The following PRKN variants were observed in gnomAD, a reference collection of about 807,000 sequenced individuals.
PRKN encodes parkin RBR E3 ubiquitin protein ligase.
A neutral mutation model predicts 59.5 loss-of-function variants in PRKN; 56 were observed. The observed-to-expected ratio is 0.94, with a 90% CI of 0.76 to 1.18. The LOEUF is 1.18. PRKN is among the 50% of genes most tolerant of loss of function. The probability of loss-of-function intolerance (pLI) is 0.00; values close to 1 mark genes in which losing one functional copy is unlikely to be tolerated. For synonymous variants in PRKN, 250 were observed against 222.1 expected, an observed-to-expected ratio of 1.13 and a Z score of -1.12; for missense variants, 657 against 596.4, an observed-to-expected ratio of 1.10 and a Z score of -1.06.
rs113076313 is a variant in PRKN, at chr6:162,271,839, G to T, written c.172-9074C>A. ...TTTAAAAAAAGGGGGACTTCTAAAA[G>T]ATGAATATTTGTGATTTAGCCTTTC... On this transcript the variant is annotated intron_variant, in intron 2 of 11. Transcript: ENST00000366898. Among the ~76,000 whole-genome samples, 166 of 152,294 alleles carry T rather than the reference G, an allele frequency of 1.1e-3. 4 individuals carry two copies. Among genetic ancestry groups the T allele is most frequent in the African/African-American group, 3.8e-3 (157 of 41,554 alleles).
intron 9 of PRKN, among the ~76,000 whole-genome samples, chr6:161,511,447 T>A (rs957919800): frequency 2.6e-5 from 4 of 152,206 alleles, no homozygotes; most frequent in African/African-American, 9.7e-5. Flanking sequence ...ATCCCTTCAT[T>A]TCTAGACTCC....
chr6:162,271,964 G>A (rs1780410856), intron 2 of PRKN, among the ~76,000 whole-genome samples: 1 of 152,174 alleles, frequency 6.6e-6, no homozygotes. Flanking sequence ...CCAAAGGCAG[G>A]CAATACAATT....
chr6:161,766,530 G>C (rs572733506), intron 7 of PRKN, among the ~76,000 whole-genome samples: 3 of 152,002 alleles, frequency 2.0e-5, no homozygotes, highest in Non-Finnish European at 4.4e-5. Context: ...GGATGGTCTC[G>C]ATTTCTTGAC....
At chr6:161,929,216 A>G (rs1779077767) in intron 6 of PRKN, among the ~76,000 whole-genome samples, 1 of 152,192 alleles carries the variant, frequency 6.6e-6, no homozygotes, top group South Asian at 2.1e-4. Flanking sequence ...AAAAACACAA[A>G]ATCACAAGTA....
chr6:161,350,868 A>G (rs1300194049), intron 11 of PRKN, among the ~76,000 whole-genome samples: 1 of 93,334 alleles, frequency 1.1e-5, no homozygotes, highest in African/African-American at 4.6e-5. Flanking sequence ...TAAAATATAT[A>G]TATTTTTATA....
At chr6:162,354,501 T>C (rs1784760849) in intron 2 of PRKN, among the ~76,000 whole-genome samples, 1 of 152,084 alleles carries the variant, frequency 6.6e-6, no homozygotes, top group Admixed American at 6.6e-5. Flanking sequence ...AAATGTACTT[T>C]TTAAAGTATA....
chr6:161,757,916 CACACAT>C (rs1562660544), intron 7 of PRKN, among the ~76,000 whole-genome samples: 2 of 127,316 alleles, frequency 1.6e-5, no homozygotes, highest in African/African-American at 6.2e-5. Context: ...CACACACACA[CACACAT>C]CTCTCTCTCT....
rs968711117 is a variant in PRKN, at chr6:161,550,355, T to C, written c.934-1352A>G. Among the ~76,000 whole-genome samples, 10 of 152,170 alleles carry C rather than the reference T, an allele frequency of 6.6e-5. No homozygotes were observed. Among genetic ancestry groups the C allele is most frequent in the African/African-American group, 2.4e-4 (10 of 41,432 alleles). ...ACTGCAGAACTCTGAGGCTGAGGCATGACATAATTTGACTAATATTTTAAA... is the reference window on the plus strand; with the variant it reads ...ACTGCAGAACTCTGAGGCTGAGGCACGACATAATTTGACTAATATTTTAAA... On this transcript the variant is annotated intron_variant, in intron 8 of 11. Transcript: ENST00000366898. The surrounding 1 kb of genome is among the most constrained non-coding windows in gnomAD (Gnocchi z 4.0).
At chr6:162,684,009 T>A (rs1370413188) in intron 1 of PRKN, among the ~76,000 whole-genome samples, 4 of 152,160 alleles carry the variant, frequency 2.6e-5, no homozygotes, top group African/African-American at 4.8e-5. Flanking sequence ...CCATTATTAA[T>A]GAAGGGCTTA....
intron 10 of PRKN, among the ~76,000 whole-genome samples, chr6:161,366,031 G>A (rs1212223045): frequency 6.6e-6 from 1 of 152,146 alleles, no homozygotes; most frequent in Non-Finnish European, 1.5e-5. Flanking sequence ...CTTCTTCCCC[G>A]GATCGATATG....
At chr6:161,760,539 G>A (rs895337105) in intron 7 of PRKN, among the ~76,000 whole-genome samples, 11 of 151,916 alleles carry the variant, frequency 7.2e-5, no homozygotes, top group African/African-American at 2.4e-4. Context: ...TGTGGAACCC[G>A]AGATTCAGGC....
chr6:161,777,873 T>C (rs1790020316), intron 7 of PRKN, among the ~76,000 whole-genome samples: 1 of 142,880 alleles, frequency 7.0e-6, no homozygotes, highest in African/African-American at 2.6e-5. Context: ...TGTATATGTA[T>C]ACGTATATAT....
intron 7 of PRKN, among the ~76,000 whole-genome samples, chr6:161,703,684 A>T (rs540203335): frequency 1.3e-5 from 2 of 152,220 alleles, no homozygotes; most frequent in Non-Finnish European, 2.9e-5. Flanking sequence ...ATGCCTCTCC[A>T]ATCCATTCTC....
chr6:162,344,532 A>AC (rs1038038154), intron 2 of PRKN, among the ~76,000 whole-genome samples: 11 of 151,906 alleles, frequency 7.2e-5, no homozygotes, highest in African/African-American at 2.4e-4. Context: ...AACCAAGGTC[A>AC]CCCCCATCAC....
chr6:161,899,547 C>T (rs1777803893), intron 6 of PRKN, among the ~76,000 whole-genome samples: 1 of 152,126 alleles, frequency 6.6e-6, no homozygotes, highest in Non-Finnish European at 1.5e-5. Flanking sequence ...TGTTTATTTT[C>T]TCACTCATAT....
At chr6:162,559,416 C>T (rs1452306140) in intron 1 of PRKN, among the ~76,000 whole-genome samples, 1 of 152,118 alleles carries the variant, frequency 6.6e-6, no homozygotes, top group Non-Finnish European at 1.5e-5. Flanking sequence ...CCCCTAACAT[C>T]CCATTTGTGG....
At chr6:162,277,614 A>C (rs1202616498) in intron 2 of PRKN, among the ~76,000 whole-genome samples, 1 of 152,192 alleles carries the variant, frequency 6.6e-6, no homozygotes, top group African/African-American at 2.4e-5. Flanking sequence ...ATAAATAAAC[A>C]AACATTAAAA....
chr6:162,262,923 TAC>T (rs1779958857), intron 2 of PRKN, among the ~76,000 whole-genome samples, 158 bp from the exon 3 acceptor site: 1 of 151,614 alleles, frequency 6.6e-6, no homozygotes. Flanking sequence ...AGTTACACAC[TAC>T]ACACGGTAGA....
At chr6:162,433,305 A>C (rs1789623730) in intron 2 of PRKN, among the ~76,000 whole-genome samples, 1 of 152,200 alleles carries the variant, frequency 6.6e-6, no homozygotes. Context: ...TGGAGAGCTT[A>C]AATGACTTGT....
Sources: gnomAD v4.1 joint callset for allele counts (sites outside exome capture counted in the v4.1 genomes callset) on GRCh38, gnomAD v4.1.1 for gene constraint, Gnocchi (gnomAD v3.1) non-coding constraint, MANE v1.5 for transcripts, NCBI Gene and HGNC (gene_info 2026-07-23, HGNC 2026-07-21) for gene names.